Variants in FDFT1 observed in about 807,000 individuals in gnomAD.
The protein encoded by FDFT1 is farnesyl-diphosphate farnesyltransferase 1.
FDFT1 carries 68 observed loss-of-function variants against 46.8 expected under a neutral mutation model. The observed-to-expected ratio is 1.45, with a 90% CI of 1.19 to 1.78. The LOEUF is 1.78. Ranked by LOEUF, FDFT1 falls within the 40% of genes most tolerant of loss-of-function variation. The pLI is 0.00. For missense variants in FDFT1, 928 were observed against 524.4 expected (o/e 1.77, Z -7.52); for synonymous variants, 351 against 185.1 (o/e 1.90, Z -7.28).
At chr8:11,803,653 C>T (rs1251067203) in intron 1 of FDFT1, 2 of 451,602 alleles carry the variant, frequency 4.4e-6, no homozygotes, top group Non-Finnish European at 6.9e-6. Context: ...ACAAATTCAG[C>T]CAAGTTCTTC....
chr8:11,817,196 G>C (rs773914915), intron 3 of FDFT1, among the ~76,000 whole-genome samples: 4 of 152,158 alleles, frequency 2.6e-5, no homozygotes, highest in African/African-American at 9.7e-5. Flanking sequence ...ATGTTGAACA[G>C]CCTTGCATCC....
At chr8:11,795,837 A>AC (rs1334069464) in exon 1 of FDFT1, 1 of 152,810 alleles carries the variant, frequency 6.5e-6, no homozygotes, top group African/African-American at 2.4e-5. Context: ...GAGACCACGA[A>AC]CCCACCAGAA....
chr8:11,809,077 A>G, intron 2 of FDFT1, 186 bp downstream of exon 2: 6 of 1,275,374 alleles, frequency 4.7e-6, no homozygotes, highest in South Asian at 1.8e-5. Flanking sequence ...CATCTAGTAG[A>G]GTCCCTGCGG....
chr8:11,837,194 A>G (rs1468378696), intron 7 of FDFT1, among the ~76,000 whole-genome samples: 1 of 152,260 alleles, frequency 6.6e-6, no homozygotes. Context: ...GTGCAGCAGC[A>G]TCGCATGGGC....
intron 5 of FDFT1, among the ~76,000 whole-genome samples, chr8:11,829,692 G>A (rs911044632): frequency 3.3e-5 from 5 of 152,168 alleles, no homozygotes; most frequent in African/African-American, 1.2e-4. Context: ...CTCGGGACAT[G>A]CTCCCCAATA....
Position 11,803,423 on chromosome 8 carries a change from C to T in FDFT1, c.99+492C>T, listed in dbSNP as rs1385226092. ...GCCTTGCTGCCTTCCATCGCTTCAT[C>T]CTCGGTGCTTCCTGAGTTTTAAAAT... On this transcript the variant is annotated intron_variant, in intron 1 of 7. Coordinates refer to ENST00000220584, the MANE Select transcript of FDFT1 (RefSeq NM_004462.5). 10 of 1,288,134 alleles carry T rather than the reference C, an allele frequency of 7.8e-6. 1 individual carries two copies. Among genetic ancestry groups the T allele is most frequent in the South Asian group, 3.7e-5 (3 of 80,932 alleles). 79.8% of individuals were successfully genotyped at this position (1,288,134 alleles called of 1,614,324 possible). A position where few individuals can be genotyped will look rare whatever the true frequency, so the allele number is the denominator to read the frequency against.
chr8:11,838,020 C>T (rs901725679), intron 7 of FDFT1, among the ~76,000 whole-genome samples: 1 of 152,186 alleles, frequency 6.6e-6, no homozygotes, highest in East Asian at 1.9e-4. Context: ...TCCAGCATTT[C>T]CCTTTCGTCA....
chr8:11,808,918 C>G, intron 2 of FDFT1, 27 bp downstream of exon 2: 1 of 1,607,284 alleles, frequency 6.2e-7, no homozygotes, highest in Non-Finnish European at 8.5e-7. Context: ...GCGCCTCTGG[C>G]TTGGAGGAAA....
At chr8:11,802,975 G>T in intron 1 of FDFT1, 44 bp downstream of exon 1, 3 of 1,558,602 alleles carry the variant, frequency 1.9e-6, no homozygotes, top group South Asian at 2.3e-5. Flanking sequence ...GAAGGAGCTC[G>T]CTGGGCCGGC....
rs776634809 is a variant in FDFT1 at position 11,837,004 on chromosome 8, AAGTGGAAAGGTAAAGGTATG to A, written c.1033-1383_1033-1364del. Reference sequence around the variant, plus strand: ...AACTACAGATGGTCCATTTCCACGTAAGTGGAAAGGTAAAGGTATGTACAATAGGGTGGCTCCTGGCTGAA... The same window carrying A: ...AACTACAGATGGTCCATTTCCACGTATACAATAGGGTGGCTCCTGGCTGAA... On this transcript the variant is annotated intron_variant, in intron 7 of 7. Coordinates refer to ENST00000220584, the MANE Select transcript of FDFT1 (RefSeq NM_004462.5). 8.9e-3 allele frequency among the ~76,000 whole-genome samples: 1,354 copies of A among 152,372 alleles called. 14 individuals carry two copies. Among genetic ancestry groups the A allele is most frequent in the Middle Eastern group, 0.031 (9 of 294 alleles).
intron 3 of FDFT1, among the ~76,000 whole-genome samples, chr8:11,813,240 C>T (rs1368460931): frequency 6.6e-6 from 1 of 152,178 alleles, no homozygotes; most frequent in African/African-American, 2.4e-5. Flanking sequence ...TCTTTCTCAC[C>T]TGGTACTAGT....
intron 4 of FDFT1, among the ~76,000 whole-genome samples, chr8:11,825,134 T>C (rs183087723): frequency 1.3e-5 from 2 of 152,346 alleles, no homozygotes; most frequent in African/African-American, 2.4e-5. Flanking sequence ...TGACATGTTA[T>C]CAGATTGGTC....
intron 7 of FDFT1, among the ~76,000 whole-genome samples, chr8:11,833,048 A>G (rs78812788): frequency 6.6e-6 from 1 of 152,220 alleles, no homozygotes; most frequent in Non-Finnish European, 1.5e-5. Flanking sequence ...TGACACAGAA[A>G]TGCTGTATGT....
At position 11,815,736 on chromosome 8, in the gene FDFT1, T is replaced by A. The variant is rs1011061710; in HGVS notation, c.381+5886T>A. Reference sequence around the variant, plus strand: ...TGGGGTTGTTGATTTTCTTGTAAATTTTTTTTAAGTTCTTTGTAGATTCTG... The same window carrying A: ...TGGGGTTGTTGATTTTCTTGTAAATATTTTTTAAGTTCTTTGTAGATTCTG... On this transcript the variant is annotated intron_variant, in intron 3 of 7. Coordinates refer to ENST00000220584, the MANE Select transcript of FDFT1 (RefSeq NM_004462.5). Among the ~76,000 whole-genome samples, 4 of 152,192 alleles carry A rather than the reference T, an allele frequency of 2.6e-5. No individual in the cohort carries two copies. The East Asian group carries it at 5.8e-4, about 22-fold the overall frequency.
At chr8:11,806,397 C>T (rs541307697) in intron 1 of FDFT1, among the ~76,000 whole-genome samples, 2 of 152,146 alleles carry the variant, frequency 1.3e-5, no homozygotes, top group East Asian at 1.9e-4. Flanking sequence ...CTGTTTTGTT[C>T]TTGGTGATTT....
intron 2 of FDFT1, chr8:11,809,320 T>TA: frequency 2.7e-6 from 3 of 1,091,324 alleles, no homozygotes; most frequent in Non-Finnish European, 3.3e-6. Flanking sequence ...ACTGAGAAGT[T>TA]ACTGTGTTTT....
rs12056911 is a variant in FDFT1 at position 11,797,205 on chromosome 8, A to C, written c.-94+1194A>C. ...GTCCTCAATTTGGTCGGCTGTCTGA[A>C]CCCCACCTCTGGAGTCGAATCTCGC... On this transcript the variant is annotated intron_variant, in intron 1 of 7. Coordinates refer to the FDFT1 transcript ENST00000538689. Among the ~76,000 whole-genome samples, 92 of 151,942 alleles carry C rather than the reference A, an allele frequency of 6.1e-4. No individual in the cohort carries two copies. The East Asian group carries it at 0.017, about 27-fold the overall frequency.
At chr8:11,798,046 A>G (rs1464344920), upstream of FDFT1, 1 of 152,222 alleles carries the variant, frequency 6.6e-6, no homozygotes, top group Non-Finnish European at 1.5e-5. Context: ...GGAGGAATTT[A>G]AAATGGAAGG....
intron 7 of FDFT1, among the ~76,000 whole-genome samples, 161 bp from the exon 8 acceptor site, chr8:11,838,227 C>T (rs952294162): frequency 2.0e-5 from 3 of 152,320 alleles, no homozygotes; most frequent in Admixed American, 2.0e-4. Context: ...CCCACCTTAT[C>T]ATTGGGATGG....
Sources: gnomAD v4.1 joint callset for allele counts (sites outside exome capture counted in the v4.1 genomes callset) on GRCh38, gnomAD v4.1.1 for gene constraint, MANE v1.5 for transcripts, NCBI Gene and HGNC (gene_info 2026-07-23, HGNC 2026-07-21) for gene names.